Variants in TENM2 observed in about 807,000 individuals in gnomAD.
TENM2 encodes teneurin transmembrane protein 2.
TENM2 carries 52 observed loss-of-function variants against 245.2 expected under a neutral mutation model. The ratio of observed to expected loss-of-function variants is 0.21; its 90% CI spans 0.17 to 0.27. TENM2 has a LOEUF of 0.27. Among genes scored for constraint, TENM2 ranks in the 10% least tolerant of loss-of-function variants. The pLI is 1.00. For synonymous variants in TENM2, 1,363 were observed against 1,438.9 expected, an observed-to-expected ratio of 0.95 and a Z score of 1.19; for missense variants, 3,046 against 3,666.8, an observed-to-expected ratio of 0.83 and a Z score of 4.37.
intron 2 of TENM2, among the ~76,000 whole-genome samples, chr5:167,519,410 A>ATAT (rs1770611027): frequency 6.6e-6 from 1 of 152,112 alleles, no homozygotes; most frequent in African/African-American, 2.4e-5. Context: ...TATAGTAGGA[A>ATAT]TATTAAGGGT....
At chr5:167,993,682 G>T (rs1294316610) in intron 5 of TENM2, among the ~76,000 whole-genome samples, 1 of 152,188 alleles carries the variant, frequency 6.6e-6, no homozygotes. Context: ...GGACTGACAG[G>T]CTGGAGCATC....
the TENM2 span, among the ~76,000 whole-genome samples, chr5:167,126,938 G>A: frequency 1.3e-5 from 2 of 151,462 alleles, no homozygotes; most frequent in Non-Finnish European, 2.9e-5. Context: ...GTTATTTGAC[G>A]ATCTCTAAAA....
chr5:167,197,907 A>G, the TENM2 span, among the ~76,000 whole-genome samples: 11,449 of 151,882 alleles, frequency 0.075, 1,159 homozygotes, highest in East Asian at 0.36. Context: ...ATATATACAC[A>G]TATAGAGAGA....
chr5:167,929,065 GAAAGAAAGAAAGAAAGAAAGAA>G (rs1778025110), intron 3 of TENM2, among the ~76,000 whole-genome samples: 2 of 4,928 alleles, frequency 4.1e-4, no homozygotes, highest in Non-Finnish European at 7.0e-4. Flanking sequence ...AAGAGAGAAA[GAAAGAAAGAAAGAAAGAAAGAA>G]AGAAAGAAAG....
the TENM2 span, among the ~76,000 whole-genome samples, chr5:167,065,417 T>A: frequency 6.6e-6 from 1 of 152,208 alleles, no homozygotes. Context: ...CACTTTCTTC[T>A]TCTAAAATAT....
intron 2 of TENM2, among the ~76,000 whole-genome samples, chr5:167,754,618 A>G (rs564683781): frequency 9.4e-5 from 13 of 138,568 alleles, no homozygotes; most frequent in African/African-American, 4.3e-4. Flanking sequence ...AGAATAATTT[A>G]AAAAAAAAAA....
chr5:167,188,642 A>C, the TENM2 span, among the ~76,000 whole-genome samples: 1 of 152,158 alleles, frequency 6.6e-6, no homozygotes, highest in Admixed American at 6.6e-5. Context: ...ATTTTTGATA[A>C]ATACTGTGAC....
At chr5:167,220,705 A>G in the TENM2 span, among the ~76,000 whole-genome samples, 1 of 152,190 alleles carries the variant, frequency 6.6e-6, no homozygotes, top group Non-Finnish European at 1.5e-5. Flanking sequence ...AAATTACATC[A>G]TCTCTTGGAC....
intron 2 of TENM2, among the ~76,000 whole-genome samples, chr5:167,412,707 G>C (rs1358167465): frequency 6.6e-6 from 1 of 152,098 alleles, no homozygotes; most frequent in Non-Finnish European, 1.5e-5. Flanking sequence ...AACAGTGGCT[G>C]TTGCATTTCT....
At chr5:167,890,634 A>G (rs370267221) in intron 3 of TENM2, among the ~76,000 whole-genome samples, 16 of 152,296 alleles carry the variant, frequency 1.1e-4, no homozygotes, top group African/African-American at 3.6e-4. Flanking sequence ...TACCTGCATT[A>G]TGTCATGGCC....
intron 1 of TENM2, chr5:167,306,362 A>G (rs527660065): frequency 2.4e-4 from 36 of 152,314 alleles, no homozygotes; most frequent in Admixed American, 2.3e-3. Context: ...CTTGCTTGAG[A>G]CACACAGTAA....
At chr5:167,285,721 A>G (rs554654599) in intron 1 of TENM2, among the ~76,000 whole-genome samples, 1 of 152,362 alleles carries the variant, frequency 6.6e-6, no homozygotes, top group South Asian at 2.1e-4. Flanking sequence ...AGGTGGTGTG[A>G]CAAAGCTCAC....
At chr5:167,351,153 T>TTA (rs975210670) in intron 1 of TENM2, among the ~76,000 whole-genome samples, 2 of 118,834 alleles carry the variant, frequency 1.7e-5, no homozygotes, top group East Asian at 3.5e-4. Context: ...TACATATGGA[T>TTA]TATATATATA....
chr5:166,988,785 C>T, the TENM2 span, among the ~76,000 whole-genome samples: 3 of 152,182 alleles, frequency 2.0e-5, no homozygotes, highest in African/African-American at 7.2e-5. Flanking sequence ...CACACGGCTG[C>T]CCTAGAAATG....
At chr5:168,195,576 G>T (rs777355361) in intron 15 of TENM2, among the ~76,000 whole-genome samples, 5 of 127,024 alleles carry the variant, frequency 3.9e-5, no homozygotes, top group Non-Finnish European at 6.5e-5. Flanking sequence ...GTGTGTGTGT[G>T]TGTGTGTGTG....
chr5:167,609,434 C>A (rs1180806801), intron 2 of TENM2, among the ~76,000 whole-genome samples: 1 of 140,954 alleles, frequency 7.1e-6, no homozygotes, highest in Non-Finnish European at 1.5e-5. Context: ...TCCTTAAGTT[C>A]CTTTACCAGT....
At chr5:167,392,906 G>A (rs952084446) in intron 2 of TENM2, among the ~76,000 whole-genome samples, 1 of 152,096 alleles carries the variant, frequency 6.6e-6, no homozygotes, top group Non-Finnish European at 1.5e-5. Context: ...GGTGGATCAG[G>A]AGGTCAGGAG....
In TENM2 at chr5:167,332,189, A is replaced by C. The variant is rs371013095; in HGVS notation, c.227-43009A>C. On this transcript the variant is annotated intron_variant, in intron 1 of 28. Coordinates refer to ENST00000518659, the Ensembl canonical transcript of TENM2. ...ATTTGGGCGTTACGATTCTAGTCCA[A>C]AGTGTTGGGGCATTCACTTTCGTGG... Among the ~76,000 whole-genome samples, 33 of 152,282 alleles carry C rather than the reference A, an allele frequency of 2.2e-4. No individual in the cohort carries two copies. The South Asian group carries it at 4.1e-3, about 19-fold the overall frequency.
At chr5:167,353,359 AAAT>A (rs1384496457) in intron 1 of TENM2, among the ~76,000 whole-genome samples, 1 of 151,894 alleles carries the variant, frequency 6.6e-6, no homozygotes, top group East Asian at 1.9e-4. Flanking sequence ...TTATTGCTTG[AAAT>A]AAAACCTGGT....
Sources: gnomAD v4.1 joint callset for allele counts (sites outside exome capture counted in the v4.1 genomes callset) on GRCh38, gnomAD v4.1.1 for gene constraint, MANE v1.5 for transcripts, NCBI Gene and HGNC (gene_info 2026-07-23, HGNC 2026-07-21) for gene names.